ARHGEF10: variants seen among roughly 807,000 people sequenced by gnomAD.
The protein encoded by ARHGEF10 is Rho guanine nucleotide exchange factor 10.
Under a neutral mutation model 147.4 loss-of-function variants are expected in ARHGEF10, and 140 were observed. That is an observed-to-expected ratio of 0.95 (90% CI 0.83 to 1.09). ARHGEF10 has a LOEUF of 1.09. Among genes scored for constraint, ARHGEF10 ranks in the 50% least tolerant of loss-of-function variants. The pLI, the probability that ARHGEF10 is intolerant of heterozygous loss-of-function variation, is 0.00. For missense variants in ARHGEF10, 2,222 were observed against 1,752.7 expected, an observed-to-expected ratio of 1.27 and a Z score of -4.78; for synonymous variants, 902 against 695.8, an observed-to-expected ratio of 1.30 and a Z score of -4.67.
chr8:1,887,379 G>A (rs1294431969), intron 11 of ARHGEF10, among the ~76,000 whole-genome samples: 1 of 152,258 alleles, frequency 6.6e-6, no homozygotes, highest in African/African-American at 2.4e-5. Flanking sequence ...CAGTGGGCAG[G>A]ATGCGGGGGT....
chr8:1,875,998 G>A (rs1440974425), intron 7 of ARHGEF10: 1 of 160,110 alleles, frequency 6.2e-6, no homozygotes, highest in Non-Finnish European at 1.4e-5. Context: ...TATTCTGGGA[G>A]TTTGAAGAAT....
Position 1,862,559 on chromosome 8 carries a change from G to T in ARHGEF10, c.482-1814G>T, listed in dbSNP as rs540848960. On this transcript the variant is annotated intron_variant, in intron 4 of 28. Coordinates refer to ENST00000349830, the MANE Select transcript of ARHGEF10 (RefSeq NM_014629.4). ...TTTGCACCTTAATTTCCCGGAAGGC[G>T]GAGGAAAGAAGAGTTTCCTGGGGTG... is the stretch of plus-strand genomic sequence containing the variant. Among the ~76,000 whole-genome samples, 2 of 152,284 alleles carry T rather than the reference G, an allele frequency of 1.3e-5. 1 individual carries two copies. Among genetic ancestry groups the T allele is most frequent in the South Asian group, 4.1e-4 (2 of 4,828 alleles).
intron 11 of ARHGEF10, among the ~76,000 whole-genome samples, chr8:1,887,773 T>TTGC (rs1808813935): frequency 7.3e-6 from 1 of 136,062 alleles, no homozygotes; most frequent in African/African-American, 2.8e-5. Flanking sequence ...GGGTGAGGGT[T>TTGC]GTGATGAGAC....
intron 16 of ARHGEF10, 150 bp from the exon 17 acceptor site, chr8:1,905,421 T>G (rs926168266): frequency 1.0e-6 from 1 of 953,310 alleles, no homozygotes; most frequent in Non-Finnish European, 1.7e-6. Context: ...AGGCGGATGT[T>G]CAGCGCAGTC....
chr8:1,951,068 G>A (rs1326196346), intron 27 of ARHGEF10, among the ~76,000 whole-genome samples: 1 of 152,198 alleles, frequency 6.6e-6, no homozygotes, highest in Non-Finnish European at 1.5e-5. Context: ...GGAGGGCCGG[G>A]GAGGCCGGGT....
At chr8:1,841,855 C>T (rs1306401697) in intron 1 of ARHGEF10, among the ~76,000 whole-genome samples, 3 of 121,010 alleles carry the variant, frequency 2.5e-5, no homozygotes, top group African/African-American at 9.0e-5. Context: ...GGGGCCGCGG[C>T]GGGAACTGGG....
chr8:1,871,543 G>T (rs1257839781), intron 7 of ARHGEF10, among the ~76,000 whole-genome samples: 1 of 152,086 alleles, frequency 6.6e-6, no homozygotes, highest in African/African-American at 2.4e-5. Flanking sequence ...AAACAGAATG[G>T]GCGCGGTGGC....
chr8:1,917,475 T>C (rs1017148150), intron 18 of ARHGEF10, among the ~76,000 whole-genome samples: 4 of 152,204 alleles, frequency 2.6e-5, no homozygotes, highest in African/African-American at 4.8e-5. Context: ...CAGGGGCTTT[T>C]CCAGCCGTCC....
At chr8:1,844,021 C>T (rs921535857) in intron 2 of ARHGEF10, among the ~76,000 whole-genome samples, 6 of 152,238 alleles carry the variant, frequency 3.9e-5, no homozygotes, top group African/African-American at 1.4e-4. Context: ...AGAAGGTGGA[C>T]ACTGACCGAC....
chr8:1,933,125 C>T (rs1406515751), intron 25 of ARHGEF10, among the ~76,000 whole-genome samples: 1 of 152,182 alleles, frequency 6.6e-6, no homozygotes. Context: ...CAGAATATTT[C>T]ACGACTGTCT....
chr8:1,873,247 G>A (rs1807284982), intron 7 of ARHGEF10, among the ~76,000 whole-genome samples: 1 of 152,222 alleles, frequency 6.6e-6, no homozygotes, highest in Non-Finnish European at 1.5e-5. Flanking sequence ...CCGGGAGACG[G>A]GAAAGCCTGG....
At chr8:1,953,209 GA>G (rs1815200879) in intron 28 of ARHGEF10, among the ~76,000 whole-genome samples, 1 of 142,312 alleles carries the variant, frequency 7.0e-6, no homozygotes, top group Non-Finnish European at 1.5e-5. Context: ...ATGTTGTGAA[GA>G]AGGAAGCCGG....
intron 26 of ARHGEF10, among the ~76,000 whole-genome samples, chr8:1,942,631 C>T (rs1221481865): frequency 6.6e-6 from 1 of 151,706 alleles, no homozygotes; most frequent in Non-Finnish European, 1.5e-5. Flanking sequence ...GATACTCATG[C>T]AGACACGAAT....
intron 16 of ARHGEF10, 179 bp downstream of exon 16, chr8:1,903,630 T>A: frequency 2.8e-6 from 2 of 718,740 alleles, no homozygotes; most frequent in Non-Finnish European, 4.6e-6. Context: ...AAATTGTATG[T>A]AAAACCTTAA....
intron 1 of ARHGEF10, among the ~76,000 whole-genome samples, chr8:1,840,708 T>C (rs1803965840): frequency 6.6e-6 from 1 of 152,154 alleles, no homozygotes; most frequent in Non-Finnish European, 1.5e-5. Flanking sequence ...TTTCCTCCCA[T>C]GAGCGTCATT....
chr8:1,892,820 G>A (rs1292985139), intron 11 of ARHGEF10, among the ~76,000 whole-genome samples: 3 of 152,122 alleles, frequency 2.0e-5, no homozygotes, highest in Non-Finnish European at 4.4e-5. Context: ...CCATGAATTG[G>A]CAAATTGGAA....
In ARHGEF10 at chr8:1,925,372, C is replaced by A. The variant is rs766515618; in HGVS notation, c.2578C>A (p.Pro860Thr). ...EKHPLLVGHMPVMVAKQQEFK... is the reference protein window; with the variant it reads ...EKHPLLVGHMTVMVAKQQEFK... ...GCATCCTCTCCTCGTCGGACACATG[C>A]CCGTGATGGTGGCCAAGCAGCAGGA... The change falls in exon 22 of 29, where the codon CCC (proline) becomes ACC (threonine). Residue 860 changes from proline to threonine, a missense_variant. Transcript: ENST00000349830. 4.3e-6 allele frequency: 7 copies of A among 1,614,130 alleles called. No individual in the cohort carries two copies. In the East Asian group the frequency reaches 1.6e-4, roughly 36 times the overall value.
chr8:1,829,665 C>A (rs2129032614), intron 1 of ARHGEF10, among the ~76,000 whole-genome samples: 1 of 152,302 alleles, frequency 6.6e-6, no homozygotes, highest in South Asian at 2.1e-4. Flanking sequence ...GAGGAGAATT[C>A]CTTTCTCTGG....
chr8:1,925,374 C>A lies in ARHGEF10; in HGVS notation c.2580C>A (p.Pro860=). The A allele has an allele frequency of 6.2e-7, 1 of 1,614,062 alleles. No individual in the cohort carries two copies. Among genetic ancestry groups the A allele is most frequent in the Non-Finnish European group, 8.5e-7 (1 of 1,180,014 alleles). Reference sequence around the variant, plus strand: ...ATCCTCTCCTCGTCGGACACATGCCCGTGATGGTGGCCAAGCAGCAGGAGT... The same window carrying A: ...ATCCTCTCCTCGTCGGACACATGCCAGTGATGGTGGCCAAGCAGCAGGAGT... The part of the protein sequence containing the change: ...EKHPLLVGHM[P]VMVAKQQEFK... Residue 860 remains proline (P), a synonymous_variant, in exon 22 of 29, where the codon CCC becomes CCA. Transcript: ENST00000349830.
Sources: gnomAD v4.1 joint callset for allele counts (sites outside exome capture counted in the v4.1 genomes callset) on GRCh38, gnomAD v4.1.1 for gene constraint, MANE v1.5 for transcripts, NCBI Gene and HGNC (gene_info 2026-07-23, HGNC 2026-07-21) for gene names.